The following PSTPIP2 variants were observed in gnomAD, a reference collection of about 807,000 sequenced individuals.
The protein encoded by PSTPIP2 is proline-serine-threonine phosphatase-interacting protein 2.
A neutral mutation model predicts 63.3 loss-of-function variants in PSTPIP2; 33 were observed. The ratio of observed to expected loss-of-function variants is 0.52; its 90% confidence interval spans 0.40 to 0.70. PSTPIP2 has a LOEUF of 0.70. Ranked by LOEUF, PSTPIP2 falls within the 30% of genes least tolerant of loss-of-function variation. The pLI is 0.00. For missense variants in PSTPIP2, 312 were observed against 400.7 expected, an observed-to-expected ratio of 0.78 and a Z score of 1.89; for synonymous variants, 125 against 132.7, an observed-to-expected ratio of 0.94 and a Z score of 0.40.
intron 1 of PSTPIP2, among the ~76,000 whole-genome samples, chr18:46,065,693 C>T (rs369038997): frequency 6.6e-6 from 1 of 152,132 alleles, no homozygotes. Context: ...TCTCGAACTC[C>T]GGACCTTGTG....
chr18:45,997,983 C>G (rs2051620434), intron 8 of PSTPIP2, among the ~76,000 whole-genome samples, 155 bp from the exon 9 acceptor site: 1 of 151,844 alleles, frequency 6.6e-6, no homozygotes, highest in Admixed American at 6.6e-5. Context: ...GTTATTGCAT[C>G]TCTCACCCTC....
At chr18:45,992,347 G>C in intron 10 of PSTPIP2, 145 bp from the exon 11 acceptor site, 1 of 667,982 alleles carries the variant, frequency 1.5e-6, no homozygotes. Context: ...CGGATCACAA[G>C]GTCAGGAGTT....
At chr18:46,063,716 C>T (rs753731885) in intron 1 of PSTPIP2, among the ~76,000 whole-genome samples, 1 of 151,674 alleles carries the variant, frequency 6.6e-6, no homozygotes, top group Non-Finnish European at 1.5e-5. Flanking sequence ...GAAAACAAAA[C>T]CATTTGTAAA....
At chr18:45,993,940 T>C (rs2051564862) in intron 9 of PSTPIP2, 1 of 478,400 alleles carries the variant, frequency 2.1e-6, no homozygotes, top group African/African-American at 2.0e-5. Flanking sequence ...GGGTAAAAAG[T>C]AATGATGATC....
At chr18:46,038,970 C>G (rs1044486449) in intron 2 of PSTPIP2, among the ~76,000 whole-genome samples, 22 of 152,210 alleles carry the variant, frequency 1.4e-4, no homozygotes, top group African/African-American at 4.3e-4. Flanking sequence ...AACCCCATCT[C>G]TACTAAAAAT....
chr18:45,992,295 G>A, intron 10 of PSTPIP2, 93 bp from the exon 11 acceptor site: 1 of 1,045,186 alleles, frequency 9.6e-7, no homozygotes. Context: ...GGGCGCAGTG[G>A]CTCATGTCTG....
chr18:46,041,046 C>A (rs993918438), intron 1 of PSTPIP2: 1 of 458,648 alleles, frequency 2.2e-6, no homozygotes. Context: ...GAACTTGACC[C>A]TGATAGCTCT....
intron 1 of PSTPIP2, among the ~76,000 whole-genome samples, chr18:46,060,687 CA>C (rs1394108658): frequency 1.3e-5 from 2 of 152,224 alleles, no homozygotes; most frequent in Non-Finnish European, 2.9e-5. Flanking sequence ...TCAAACTTTA[CA>C]TGGCAGGGGA....
intron 1 of PSTPIP2, among the ~76,000 whole-genome samples, chr18:46,054,804 GC>G (rs1908702361): frequency 6.6e-6 from 1 of 151,740 alleles, no homozygotes; most frequent in South Asian, 2.1e-4. Context: ...AGGATTACAG[GC>G]ACGTGCCACC....
At chr18:46,019,764 G>A (rs1907281074) in intron 3 of PSTPIP2, among the ~76,000 whole-genome samples, 1 of 152,146 alleles carries the variant, frequency 6.6e-6, no homozygotes, top group South Asian at 2.1e-4. Context: ...TTGCACCACT[G>A]CACTCCAGCC....
At chr18:46,046,456 C>T (rs964859628) in intron 1 of PSTPIP2, among the ~76,000 whole-genome samples, 3 of 152,190 alleles carry the variant, frequency 2.0e-5, no homozygotes, top group Non-Finnish European at 4.4e-5. Flanking sequence ...ACTCAGGCAG[C>T]TTGTTAAACA....
chr18:45,993,240 G>T (rs995374146), intron 10 of PSTPIP2, among the ~76,000 whole-genome samples: 1 of 151,214 alleles, frequency 6.6e-6, no homozygotes, highest in Non-Finnish European at 1.5e-5. Context: ...GATTACAGGG[G>T]TGCACCACCA....
chr18:46,059,800 G>A lies in PSTPIP2; in HGVS notation c.33+12356C>T, dbSNP rs9950660. Among the ~76,000 whole-genome samples the A allele has an allele frequency of 1.9e-3, 287 of 151,938 alleles. 1 individual carries two copies. Among genetic ancestry groups the A allele is most frequent in the African/African-American group, 6.3e-3 (260 of 41,434 alleles). ...TACCAGCACTTTGGGAGGCCAAGGC[G>A]GGTGGATCACCTGAGGTCAGGAGTT... On this transcript the variant is annotated intron_variant, in intron 1 of 14. Transcript: ENST00000409746.
At chr18:46,046,131 A>G (rs372904516) in intron 1 of PSTPIP2, among the ~76,000 whole-genome samples, 2 of 152,218 alleles carry the variant, frequency 1.3e-5, no homozygotes, top group African/African-American at 4.8e-5. Context: ...CTTTCCAACA[A>G]ATGGCTCTGG....
Position 46,027,330 on chromosome 18 carries a change from AAATAAATAAAT to A in PSTPIP2, c.135-2655_135-2645del, listed in dbSNP as rs869054009. Among the ~76,000 whole-genome samples, 308 of 150,258 alleles carry A rather than the reference AAATAAATAAAT, an allele frequency of 2.0e-3. 2 individuals are homozygous for A. The highest frequency in any genetic ancestry group is 6.7e-3 in the African/African-American group (278 of 41,200). ...TAAATAAATAAATAAATAAATAAAT[AAATAAATAAAT>A]AAAAATATTAAAAAAATTTTTTTTA... On this transcript the variant is annotated intron_variant, in intron 2 of 14. Transcript: ENST00000409746.
intron 14 of PSTPIP2, among the ~76,000 whole-genome samples, chr18:45,986,646 G>A (rs1283517544): frequency 6.6e-6 from 1 of 152,174 alleles, no homozygotes; most frequent in Non-Finnish European, 1.5e-5. Context: ...ATGAAATGAA[G>A]AAGAAATGAT....
chr18:46,017,227 G>C (rs188568082), intron 3 of PSTPIP2, among the ~76,000 whole-genome samples: 12 of 152,122 alleles, frequency 7.9e-5, no homozygotes, highest in African/African-American at 2.2e-4. Context: ...ACATAATTCT[G>C]CAGTCTCTGG....
At chr18:46,034,504 G>A (rs192149960) in intron 2 of PSTPIP2, among the ~76,000 whole-genome samples, 1 of 152,284 alleles carries the variant, frequency 6.6e-6, no homozygotes, top group East Asian at 1.9e-4. Flanking sequence ...CTAAACTTCA[G>A]TGTTCTTATC....
chr18:46,066,611 C>T (rs1568235056), intron 1 of PSTPIP2, among the ~76,000 whole-genome samples: 2 of 152,232 alleles, frequency 1.3e-5, no homozygotes, highest in Non-Finnish European at 2.9e-5. Flanking sequence ...GTGAGCCCCA[C>T]GTGTGTGGGC....
Sources: allele counts gnomAD v4.1 joint callset (sites outside exome capture counted in the v4.1 genomes callset), GRCh38; gene constraint gnomAD v4.1.1; transcripts MANE v1.5; gene names NCBI Gene and HGNC (gene_info 2026-07-23, HGNC 2026-07-21).